AK5: variants seen among roughly 807,000 people sequenced by gnomAD.
AK5 encodes adenylate kinase 5.
AK5 carries 27 observed loss-of-function variants against 69.5 expected under a neutral mutation model. That is an observed-to-expected ratio of 0.39 (90% confidence interval 0.29 to 0.54). The LOEUF (loss-of-function observed/expected upper bound fraction) is 0.54. Among genes scored for constraint, AK5 ranks in the 20% least tolerant of loss-of-function variants. The probability of loss-of-function intolerance (pLI) is 0.71; values close to 1 mark genes in which losing one functional copy is unlikely to be tolerated. For synonymous variants in AK5, 260 were observed against 244.4 expected (o/e 1.06, Z -0.60); for missense variants, 531 against 700.4 (o/e 0.76, Z 2.73).
At chr1:77,498,376 G>T (rs1303851353) in intron 10 of AK5, among the ~76,000 whole-genome samples, 1 of 151,054 alleles carries the variant, frequency 6.6e-6, no homozygotes, top group African/African-American at 2.5e-5. Context: ...GAGTCTGAAA[G>T]AGACTGTTTA....
intron 8 of AK5, among the ~76,000 whole-genome samples, chr1:77,446,454 T>C (rs1472165494): frequency 6.6e-6 from 1 of 152,206 alleles, no homozygotes; most frequent in Non-Finnish European, 1.5e-5. Context: ...CTTTTTCTAT[T>C]TCTGAGAAAA....
At chr1:77,283,531 G>A in intron 1 of AK5, 1 of 985,406 alleles carries the variant, frequency 1.0e-6, no homozygotes, top group Non-Finnish European at 1.2e-6. Context: ...TCTTTAAAAT[G>A]GGTTGCCATA....
chr1:77,445,694 C>T (rs1283867913), intron 8 of AK5, among the ~76,000 whole-genome samples: 3 of 152,246 alleles, frequency 2.0e-5, no homozygotes, highest in South Asian at 2.1e-4. Flanking sequence ...AAGCGATTCT[C>T]CTGCCTCAGC....
intron 6 of AK5, among the ~76,000 whole-genome samples, chr1:77,399,219 A>G (rs981469222): frequency 6.6e-6 from 1 of 152,194 alleles, no homozygotes; most frequent in Admixed American, 6.5e-5. Flanking sequence ...TGGTCAAGCT[A>G]AGGATGTTTG....
intron 6 of AK5, among the ~76,000 whole-genome samples, chr1:77,359,253 CA>C (rs377096698): frequency 0.021 from 2,037 of 99,126 alleles, 39 homozygotes; most frequent in African/African-American, 0.064. Context: ...GACTCTGTCT[CA>C]AAAAAAAAAA....
chr1:77,386,383 G>C (rs1288655510), intron 6 of AK5, among the ~76,000 whole-genome samples: 1 of 152,168 alleles, frequency 6.6e-6, no homozygotes, highest in Non-Finnish European at 1.5e-5. Flanking sequence ...CATGGAGAAG[G>C]GGGCTAGAGC....
At chr1:77,483,902 C>T (rs929110506) in intron 9 of AK5, among the ~76,000 whole-genome samples, 2 of 152,258 alleles carry the variant, frequency 1.3e-5, no homozygotes, top group Admixed American at 6.5e-5. Flanking sequence ...CAGTGGCTCA[C>T]GCCTGTAATC....
At chr1:77,513,445 C>T (rs1213326414) in intron 10 of AK5, among the ~76,000 whole-genome samples, 2 of 152,322 alleles carry the variant, frequency 1.3e-5, no homozygotes, top group Admixed American at 1.3e-4. Context: ...CCCATTCTAG[C>T]TGTCCAATAG....
At chr1:77,506,216 T>TTGG (rs1657014255) in intron 10 of AK5, among the ~76,000 whole-genome samples, 2 of 148,972 alleles carry the variant, frequency 1.3e-5, no homozygotes, top group East Asian at 2.0e-4. Flanking sequence ...AGGATCGGTG[T>TTGG]TTGGTTGGTT....
chr1:77,342,029 G>C (rs906747839), intron 6 of AK5, among the ~76,000 whole-genome samples: 1 of 152,088 alleles, frequency 6.6e-6, no homozygotes, highest in African/African-American at 2.4e-5. Flanking sequence ...CTCCCAAGTA[G>C]CTGGGATTAC....
At chr1:77,328,485 G>GA (rs1660921418) in intron 5 of AK5, among the ~76,000 whole-genome samples, 1 of 150,718 alleles carries the variant, frequency 6.6e-6, no homozygotes, top group African/African-American at 2.4e-5. Flanking sequence ...GACAGTGTGA[G>GA]ACTCCATCTC....
At chr1:77,368,245 A>ATATATATATATATGT (rs376578923) in intron 6 of AK5, among the ~76,000 whole-genome samples, 6 of 67,902 alleles carry the variant, frequency 8.8e-5, no homozygotes, top group Admixed American at 2.2e-4. Flanking sequence ...ATATATATAT[A>ATATATATATATATGT]TATATATAAT....
intron 6 of AK5, among the ~76,000 whole-genome samples, chr1:77,390,800 G>C (rs1452130308): frequency 6.6e-6 from 1 of 152,100 alleles, no homozygotes; most frequent in Non-Finnish European, 1.5e-5. Context: ...TATGTTTAAA[G>C]ATGAAGGAGC....
intron 1 of AK5, among the ~76,000 whole-genome samples, chr1:77,286,463 C>T (rs933742037): frequency 2.5e-4 from 38 of 150,924 alleles, no homozygotes; most frequent in African/African-American, 9.3e-4. Flanking sequence ...TCCATCAGAT[C>T]GTAATTTCAA....
At chr1:77,415,292 G>A (rs1236802308) in intron 7 of AK5, among the ~76,000 whole-genome samples, 3 of 152,226 alleles carry the variant, frequency 2.0e-5, no homozygotes, top group East Asian at 3.9e-4. Flanking sequence ...TCACATTGTC[G>A]TTTTTGAAAA....
chr1:77,534,423 C>CT (rs34641015), intron 12 of AK5, among the ~76,000 whole-genome samples: 3,845 of 152,270 alleles, frequency 0.025, 127 homozygotes, highest in African/African-American at 0.088. Context: ...AGACTTGGGA[C>CT]TAGGAGCAGA....
intron 10 of AK5, among the ~76,000 whole-genome samples, chr1:77,499,261 C>T (rs1263562625): frequency 6.6e-6 from 1 of 152,154 alleles, no homozygotes; most frequent in Non-Finnish European, 1.5e-5. Flanking sequence ...TTAAACCAAC[C>T]TTCAGGTGGT....
At chr1:77,432,393 A>G (rs1357223314) in intron 8 of AK5, among the ~76,000 whole-genome samples, 2 of 152,178 alleles carry the variant, frequency 1.3e-5, no homozygotes, top group Admixed American at 6.5e-5. Context: ...ATTTATTGCT[A>G]TGTTCAGTTT....
chr1:77,485,899 T>G (rs1655556506), intron 9 of AK5, among the ~76,000 whole-genome samples: 1 of 152,008 alleles, frequency 6.6e-6, no homozygotes, highest in Non-Finnish European at 1.5e-5. Flanking sequence ...GGTGGATCAC[T>G]TGAGGCCAGG....
Sources: gnomAD v4.1 joint callset for allele counts (sites outside exome capture counted in the v4.1 genomes callset) on GRCh38, gnomAD v4.1.1 for gene constraint, MANE v1.5 for transcripts, NCBI Gene and HGNC (gene_info 2026-07-23, HGNC 2026-07-21) for gene names.